Variants in E2F3 observed in about 807,000 individuals in gnomAD.
E2F3 encodes the protein transcription factor E2F3.
In E2F3, 11 loss-of-function variants were observed where a neutral mutation model predicts 44.4. The observed-to-expected ratio is 0.25, with a 90% CI of 0.16 to 0.41. E2F3 has a LOEUF of 0.41. Ranked by LOEUF, E2F3 falls within the 10% of genes least tolerant of loss-of-function variation. The pLI, the probability that E2F3 is intolerant of heterozygous loss-of-function variation, is 1.00. For synonymous variants in E2F3, 249 were observed against 253.0 expected (o/e 0.98, Z 0.15); for missense variants, 487 against 583.6 (o/e 0.83, Z 1.70).
intron 1 of E2F3, among the ~76,000 whole-genome samples, chr6:20,409,599 T>C (rs928006511): frequency 1.3e-5 from 2 of 152,238 alleles, no homozygotes; most frequent in Non-Finnish European, 2.9e-5. Context: ...CCCAGTAACA[T>C]TGAACAAGGT....
At chr6:20,424,716 TTAGA>T (rs948904628) in intron 1 of E2F3, among the ~76,000 whole-genome samples, 2 of 152,130 alleles carry the variant, frequency 1.3e-5, no homozygotes, top group African/African-American at 4.8e-5. Flanking sequence ...TCTGCACTTA[TTAGA>T]TAGTCTACTG....
intron 1 of E2F3, among the ~76,000 whole-genome samples, chr6:20,476,968 C>T (rs753167644): frequency 2.6e-5 from 4 of 152,140 alleles, no homozygotes; most frequent in Admixed American, 1.3e-4. Context: ...TAAGGTGTGC[C>T]ACTGAGGCAA....
intron 1 of E2F3, among the ~76,000 whole-genome samples, chr6:20,464,906 T>A (rs1343667756): frequency 6.6e-6 from 1 of 152,226 alleles, no homozygotes; most frequent in Non-Finnish European, 1.5e-5. Flanking sequence ...AGGGGAAGTG[T>A]TCCCTGGACA....
chr6:20,402,672 C>G lies in E2F3; in HGVS notation c.393+47C>G. ...GTCCCCAGCCCCGGCGGGAGGTGGG[C>G]TCGCACCGCGCGGGGTCGTGGGCGC... On this transcript the variant is annotated intron_variant, in intron 1 of 6. Transcript: ENST00000346618. The surrounding 1 kb of genome is among the most constrained non-coding windows in gnomAD (Gnocchi z 5.6). The G allele has an allele frequency of 7.7e-7, 1 of 1,298,676 alleles. No homozygotes were observed. Among genetic ancestry groups the G allele is most frequent in the Non-Finnish European group, 9.7e-7 (1 of 1,028,052 alleles). The allele number at this position is 1,298,676 out of a possible 1,614,324, so 80.4% of individuals were successfully genotyped here.
At chr6:20,461,893 A>G (rs1295756092) in intron 1 of E2F3, among the ~76,000 whole-genome samples, 1 of 152,232 alleles carries the variant, frequency 6.6e-6, no homozygotes, top group Non-Finnish European at 1.5e-5. Context: ...CTTCAAGCAT[A>G]GTATCAGTTT....
At chr6:20,485,753 C>T (rs1358156886) in intron 4 of E2F3, among the ~76,000 whole-genome samples, 1 of 152,314 alleles carries the variant, frequency 6.6e-6, no homozygotes, top group African/African-American at 2.4e-5. Context: ...CATAATTTTT[C>T]TAACAGAAAT....
At chr6:20,426,831 T>C (rs1193590743) in intron 1 of E2F3, among the ~76,000 whole-genome samples, 1 of 152,252 alleles carries the variant, frequency 6.6e-6, no homozygotes, top group Non-Finnish European at 1.5e-5. Flanking sequence ...TGCCCTGGCA[T>C]CCTGGCTTTT....
chr6:20,476,754 C>T (rs1409262138), intron 1 of E2F3, among the ~76,000 whole-genome samples: 1 of 152,126 alleles, frequency 6.6e-6, no homozygotes, highest in Non-Finnish European at 1.5e-5. Context: ...TGCACAGATG[C>T]GCTTAGACCA....
At position 20,491,533 on chromosome 6, in the gene E2F3, C is replaced by T. The variant is rs1052811138; in HGVS notation, c.*1103C>T. ...AACCAGGTCAGATGATGTAACAGCC[C>T]CAAGGAGCAGCAGGCATGGGTCCCT... On this transcript the variant is annotated 3_prime_UTR_variant, in exon 7 of 7. Transcript: ENST00000346618. The T allele has an allele frequency of 4.6e-6, 1 of 215,764 alleles. No homozygotes were observed. Among genetic ancestry groups the T allele is most frequent in the Non-Finnish European group, 9.4e-6 (1 of 106,698 alleles). 13.4% of individuals were successfully genotyped at this position (215,764 alleles called of 1,614,324 possible).
intron 1 of E2F3, among the ~76,000 whole-genome samples, chr6:20,412,960 C>A (rs942460852): frequency 6.6e-6 from 1 of 152,208 alleles, no homozygotes; most frequent in Non-Finnish European, 1.5e-5. Context: ...GCTTTACTCG[C>A]ATTAGCACAT....
intron 1 of E2F3, among the ~76,000 whole-genome samples, chr6:20,415,664 T>C (rs1759822357): frequency 6.6e-6 from 1 of 152,214 alleles, no homozygotes; most frequent in African/African-American, 2.4e-5. Flanking sequence ...TTTTAAAATA[T>C]GATATACATT....
intron 1 of E2F3, among the ~76,000 whole-genome samples, chr6:20,460,743 C>T (rs761604939): frequency 5.9e-5 from 9 of 152,194 alleles, no homozygotes; most frequent in East Asian, 3.9e-4. Flanking sequence ...CGCCCGTAAT[C>T]CCAGCACTTT....
chr6:20,421,846 C>T (rs1449145678), intron 1 of E2F3: 1 of 152,390 alleles, frequency 6.6e-6, no homozygotes, highest in African/African-American at 2.4e-5. Context: ...ACCTCAGCCT[C>T]CTGAGTAGCT....
In E2F3 at chr6:20,491,732, C is replaced by CG. The variant is rs1762557811; in HGVS notation, c.*1307dup. On this transcript the variant is annotated 3_prime_UTR_variant, in exon 7 of 7. Transcript: ENST00000346618. ...GCAGGAACAGGGAGCAGCCCTGTGTCGGGGGCTGGAATAGTTCTGGCCAGA... is the reference window on the plus strand; with the variant it reads ...GCAGGAACAGGGAGCAGCCCTGTGTCGGGGGGCTGGAATAGTTCTGGCCAGA... 5.5e-6 allele frequency: 1 copy of CG among 181,952 alleles called. No individual in the cohort carries two copies. The highest frequency in any genetic ancestry group is 6.3e-5 in the Admixed American group (1 of 15,934). 11.3% of individuals were successfully genotyped at this position (181,952 alleles called of 1,614,324 possible). A position where few individuals can be genotyped will look rare whatever the true frequency, so the allele number is the denominator to read the frequency against.
intron 1 of E2F3, among the ~76,000 whole-genome samples, chr6:20,472,761 A>G (rs1761934705): frequency 6.6e-6 from 1 of 152,212 alleles, no homozygotes; most frequent in African/African-American, 2.4e-5. Flanking sequence ...GCTGGGTGTA[A>G]TAATACCTAC....
At chr6:20,446,527 A>C (rs1760950254) in intron 1 of E2F3, among the ~76,000 whole-genome samples, 1 of 152,214 alleles carries the variant, frequency 6.6e-6, no homozygotes, top group Non-Finnish European at 1.5e-5. Context: ...TTTCTGGACC[A>C]GAAAATGGAA....
At chr6:20,403,852 CG>C (rs1759397876) in intron 1 of E2F3, 6 of 1,420,104 alleles carry the variant, frequency 4.2e-6, no homozygotes, top group Non-Finnish European at 5.6e-6. Flanking sequence ...CGGGACGGCT[CG>C]GGGGCCGCCG....
intron 1 of E2F3, chr6:20,452,315 C>A (rs569294581): frequency 6.6e-6 from 1 of 152,244 alleles, no homozygotes; most frequent in South Asian, 2.1e-4. Flanking sequence ...TTATCCATTT[C>A]TTTTGGATTT....
intron 6 of E2F3, among the ~76,000 whole-genome samples, chr6:20,489,640 A>T (rs1259941497): frequency 6.6e-6 from 1 of 152,136 alleles, no homozygotes; most frequent in Admixed American, 6.5e-5. Flanking sequence ...ATTCTTGTTT[A>T]TTGACAGTAG....
Sources: gnomAD v4.1 joint callset for allele counts (sites outside exome capture counted in the v4.1 genomes callset) on GRCh38, gnomAD v4.1.1 for gene constraint, Gnocchi (gnomAD v3.1) non-coding constraint, MANE v1.5 for transcripts, NCBI Gene and HGNC (gene_info 2026-07-23, HGNC 2026-07-21) for gene names.